The following ASIC2 variants were observed in gnomAD, a reference collection of about 807,000 sequenced individuals.
ASIC2 encodes acid-sensing ion channel 2.
A neutral mutation model predicts 57.3 loss-of-function variants in ASIC2; 25 were observed. That is an observed-to-expected ratio of 0.44 (90% CI 0.32 to 0.61). The LOEUF is 0.61. ASIC2 is among the 20% of genes least tolerant of loss of function. The probability of loss-of-function intolerance (pLI) is 0.06; values close to 1 mark genes in which losing one functional copy is unlikely to be tolerated. For synonymous variants in ASIC2, 319 were observed against 307.5 expected, an observed-to-expected ratio of 1.04 and a Z score of -0.39; for missense variants, 641 against 738.1, an observed-to-expected ratio of 0.87 and a Z score of 1.52.
chr17:33,787,620 T>G (rs1014652761), intron 1 of ASIC2, among the ~76,000 whole-genome samples: 1 of 139,646 alleles, frequency 7.2e-6, no homozygotes, highest in Non-Finnish European at 1.6e-5. Flanking sequence ...CCTCAAAATA[T>G]GTCCCAGCAG....
rs374955740 is a variant in ASIC2, at chr17:33,816,599, T to C, written c.555+339379A>G. 5.3e-5 allele frequency among the ~76,000 whole-genome samples: 8 copies of C among 152,278 alleles called. No individual in the cohort carries two copies. In the East Asian group the frequency reaches 7.8e-4, roughly 15 times the overall value. ...ACCCTGATGCCAACTGTTGCCAACC[T>C]ACTTCAGACATCACATGAAAAAAGT... On this transcript the variant is annotated intron_variant, in intron 1 of 9. Transcript: ENST00000359872.
At chr17:33,989,578 G>A (rs1034310596) in intron 1 of ASIC2, among the ~76,000 whole-genome samples, 5 of 152,096 alleles carry the variant, frequency 3.3e-5, no homozygotes, top group African/African-American at 7.2e-5. Flanking sequence ...ACCACTTCCC[G>A]GCTAAGACCT....
chr17:34,029,374 C>CAAAAAAAA (rs1907500153), intron 1 of ASIC2, among the ~76,000 whole-genome samples: 1 of 92,408 alleles, frequency 1.1e-5, no homozygotes, highest in African/African-American at 6.2e-5. Flanking sequence ...AGTGCTAAAA[C>CAAAAAAAA]CAAAAAAAAA....
Position 33,911,996 on chromosome 17 carries a change from G to C in ASIC2, c.555+243982C>G, listed in dbSNP as rs535190152. Among the ~76,000 whole-genome samples, 328 of 151,446 alleles carry C rather than the reference G, an allele frequency of 2.2e-3. 2 individuals are homozygous for C. The highest frequency in any genetic ancestry group is 3.7e-3 in the Non-Finnish European group (249 of 67,698). On this transcript the variant is annotated intron_variant, in intron 1 of 9. Coordinates refer to the ASIC2 transcript ENST00000359872. ...TGTCTACTAAAAATACAAAATTAGT[G>C]GGGCGTGGTGGTGTATGCCTGTAAT...
At chr17:33,964,781 AT>A (rs545047896) in intron 1 of ASIC2, among the ~76,000 whole-genome samples, 2 of 152,222 alleles carry the variant, frequency 1.3e-5, no homozygotes, top group African/African-American at 4.8e-5. Context: ...ACCTCACTCC[AT>A]TGAAGGCAGC....
At chr17:34,088,149 T>G (rs1249526172) in intron 1 of ASIC2, among the ~76,000 whole-genome samples, 1 of 152,204 alleles carries the variant, frequency 6.6e-6, no homozygotes, top group African/African-American at 2.4e-5. Context: ...TTCTGCTCTG[T>G]ATTTTTCCCC....
At chr17:33,950,170 G>T (rs947255103) in intron 1 of ASIC2, among the ~76,000 whole-genome samples, 1 of 152,196 alleles carries the variant, frequency 6.6e-6, no homozygotes, top group Non-Finnish European at 1.5e-5. Flanking sequence ...CTAATCAGGC[G>T]CTTTTGCTGC....
intron 1 of ASIC2, among the ~76,000 whole-genome samples, chr17:34,139,960 G>C (rs1051438541): frequency 1.3e-5 from 2 of 152,280 alleles, no homozygotes; most frequent in Non-Finnish European, 1.5e-5. Context: ...ATGTGGATTG[G>C]GGGGGTGAGC....
chr17:34,017,469 A>T (rs1340131277), intron 1 of ASIC2, among the ~76,000 whole-genome samples: 2 of 152,258 alleles, frequency 1.3e-5, no homozygotes, highest in African/African-American at 4.8e-5. Flanking sequence ...AAAGAAGAGC[A>T]ACACATTTCT....
chr17:34,080,388 C>G (rs1909833008), intron 1 of ASIC2, among the ~76,000 whole-genome samples: 1 of 152,202 alleles, frequency 6.6e-6, no homozygotes, highest in Non-Finnish European at 1.5e-5. Flanking sequence ...TCAAAACACT[C>G]AAAAACATCC....
At chr17:33,576,935 G>A (rs764462384) in intron 1 of ASIC2, among the ~76,000 whole-genome samples, 49 of 152,220 alleles carry the variant, frequency 3.2e-4, no homozygotes, top group Middle Eastern at 3.4e-3. Flanking sequence ...TTGTTGTAAG[G>A]GTTATATGCA....
chr17:33,588,599 G>T (rs1904720729), intron 1 of ASIC2, among the ~76,000 whole-genome samples: 1 of 152,200 alleles, frequency 6.6e-6, no homozygotes, highest in Non-Finnish European at 1.5e-5. Context: ...GAAGCTTACT[G>T]TCGAATGGGG....
chr17:33,184,508 G>A (rs1906109873), intron 1 of ASIC2, among the ~76,000 whole-genome samples: 1 of 152,076 alleles, frequency 6.6e-6, no homozygotes, highest in Non-Finnish European at 1.5e-5. Context: ...CCAGACTCTG[G>A]GTCCTCTGTG....
At chr17:33,548,432 T>G (rs1442154046) in intron 1 of ASIC2, among the ~76,000 whole-genome samples, 1 of 152,140 alleles carries the variant, frequency 6.6e-6, no homozygotes, top group Non-Finnish European at 1.5e-5. Flanking sequence ...TTCCGCTCAG[T>G]GTTTAATTAG....
chr17:33,816,697 C>A (rs1036269333), intron 1 of ASIC2: 4 of 152,176 alleles, frequency 2.6e-5, no homozygotes, highest in Non-Finnish European at 5.9e-5. Context: ...CCCTACTCAC[C>A]AGCCACAGAG....
At chr17:34,123,273 G>C (rs1220448169) in intron 1 of ASIC2, among the ~76,000 whole-genome samples, 1 of 152,120 alleles carries the variant, frequency 6.6e-6, no homozygotes, top group African/African-American at 2.4e-5. Context: ...ACGAAATGAA[G>C]CTGCTGAGAT....
chr17:34,010,785 C>T (rs1266322335), intron 1 of ASIC2, among the ~76,000 whole-genome samples: 1 of 149,562 alleles, frequency 6.7e-6, no homozygotes, highest in African/African-American at 2.5e-5. Context: ...ACACACCCAC[C>T]CACACACAAC....
intron 1 of ASIC2, 50 bp from the exon 2 acceptor site, chr17:33,112,117 C>A (rs150196165): frequency 2.6e-6 from 4 of 1,551,788 alleles, no homozygotes; most frequent in Non-Finnish European, 3.5e-6. Context: ...TAACTTCAGA[C>A]GGGGGTCCAG....
chr17:34,132,031 A>G (rs9914754), intron 1 of ASIC2, among the ~76,000 whole-genome samples: 21,786 of 152,178 alleles, frequency 0.14, 1,956 homozygotes, highest in African/African-American at 0.26. Context: ...CTTATGCCCT[A>G]TAAGTTTGAT....
Sources: allele counts gnomAD v4.1 joint callset (sites outside exome capture counted in the v4.1 genomes callset), GRCh38; gene constraint gnomAD v4.1.1; transcripts MANE v1.5; gene names NCBI Gene and HGNC (gene_info 2026-07-23, HGNC 2026-07-21).